DLG2: variants seen among roughly 807,000 people sequenced by gnomAD.
The protein encoded by DLG2 is disks large homolog 2.
Under a neutral mutation model 132.5 loss-of-function variants are expected in DLG2, and 45 were observed. The observed-to-expected ratio is 0.34, with a 90% CI of 0.27 to 0.44. The LOEUF is 0.44. Among genes scored for constraint, DLG2 ranks in the 20% least tolerant of loss-of-function variants. The pLI is 1.00. For missense variants in DLG2, 1,045 were observed against 1,196.9 expected (o/e 0.87, Z 1.87); for synonymous variants, 424 against 419.6 (o/e 1.01, Z -0.13).
chr11:84,083,048 G>A (rs1320985222), intron 10 of DLG2, among the ~76,000 whole-genome samples: 3 of 152,210 alleles, frequency 2.0e-5, no homozygotes, highest in African/African-American at 4.8e-5. Flanking sequence ...TGGAGGCCAA[G>A]GCGGGTAGAT....
intron 3 of DLG2, among the ~76,000 whole-genome samples, chr11:85,529,970 C>A (rs955760517): frequency 6.7e-6 from 1 of 150,074 alleles, no homozygotes; most frequent in Non-Finnish European, 1.5e-5. Flanking sequence ...AGGGGTAGAT[C>A]TGCCTAGAGA....
intron 19 of DLG2, among the ~76,000 whole-genome samples, chr11:83,602,370 C>A (rs898772517): frequency 1.3e-5 from 2 of 152,190 alleles, no homozygotes; most frequent in Non-Finnish European, 2.9e-5. Context: ...ATTACAGCAC[C>A]ATGCCGGCAG....
intron 10 of DLG2, among the ~76,000 whole-genome samples, chr11:84,090,090 C>T: frequency 6.6e-6 from 1 of 152,018 alleles, no homozygotes; most frequent in Non-Finnish European, 1.5e-5. Flanking sequence ...TGAAAGAAAA[C>T]CTAATGTTCT....
chr11:84,459,950 A>G (rs773058936), intron 7 of DLG2, among the ~76,000 whole-genome samples: 9 of 150,760 alleles, frequency 6.0e-5, no homozygotes, highest in Admixed American at 2.0e-4. Flanking sequence ...TCCAACTTCA[A>G]TGGAGATTCT....
At chr11:84,382,227 C>T (rs2154434403) in intron 7 of DLG2, among the ~76,000 whole-genome samples, 1 of 152,158 alleles carries the variant, frequency 6.6e-6, no homozygotes, top group East Asian at 1.9e-4. Flanking sequence ...CCAGTTCTTT[C>T]TCCTCAAACC....
At chr11:84,236,913 G>T (rs1285919831) in intron 8 of DLG2, among the ~76,000 whole-genome samples, 1 of 150,836 alleles carries the variant, frequency 6.6e-6, no homozygotes, top group Non-Finnish European at 1.5e-5. Flanking sequence ...TGGGGTTGAA[G>T]CATCAGTATG....
chr11:84,600,239 A>AAAG (rs1565420736), intron 6 of DLG2, among the ~76,000 whole-genome samples: 11 of 87,254 alleles, frequency 1.3e-4, no homozygotes, highest in African/African-American at 4.0e-4. Context: ...AGAAAGACAG[A>AAAG]AAAGCAAGCA....
intron 6 of DLG2, among the ~76,000 whole-genome samples, chr11:84,574,362 GA>G (rs35040163): frequency 0.15 from 20,827 of 134,634 alleles, 1,563 homozygotes; most frequent in African/African-American, 0.23. Flanking sequence ...CTCTTAAACA[GA>G]AAAAAAAAAA....
At chr11:83,684,958 A>C (rs973969643) in intron 18 of DLG2, among the ~76,000 whole-genome samples, 10 of 152,172 alleles carry the variant, frequency 6.6e-5, no homozygotes, top group African/African-American at 2.4e-4. Flanking sequence ...TCTCAGACAT[A>C]ATGAATTATG....
chr11:84,399,337 A>T (rs998316807), intron 7 of DLG2, among the ~76,000 whole-genome samples: 1 of 152,098 alleles, frequency 6.6e-6, no homozygotes, highest in South Asian at 2.1e-4. Flanking sequence ...CAGTGTCTCA[A>T]ATTGCATTAT....
intron 6 of DLG2, among the ~76,000 whole-genome samples, chr11:84,958,131 T>C (rs2051978889): frequency 6.6e-6 from 1 of 152,186 alleles, no homozygotes; most frequent in Non-Finnish European, 1.5e-5. Context: ...AATATGTTAG[T>C]AGTTATTAAT....
At chr11:84,168,261 A>C (rs549828865) in intron 8 of DLG2, among the ~76,000 whole-genome samples, 1 of 152,374 alleles carries the variant, frequency 6.6e-6, no homozygotes, top group South Asian at 2.1e-4. Flanking sequence ...CTGCAGCGCC[A>C]CTATTGCCAC....
At chr11:85,526,227 A>G (rs1288168361) in intron 3 of DLG2, among the ~76,000 whole-genome samples, 1 of 152,192 alleles carries the variant, frequency 6.6e-6, no homozygotes, top group Non-Finnish European at 1.5e-5. Flanking sequence ...ATCATGAAGA[A>G]AACTATACAG....
At chr11:83,879,018 A>G (rs2065464936) in intron 15 of DLG2, among the ~76,000 whole-genome samples, 1 of 152,202 alleles carries the variant, frequency 6.6e-6, no homozygotes, top group African/African-American at 2.4e-5. Flanking sequence ...TTTTCCAAGT[A>G]AAAGACTCCA....
At chr11:84,161,454 A>C (rs1174437008) in intron 9 of DLG2, among the ~76,000 whole-genome samples, 3 of 152,136 alleles carry the variant, frequency 2.0e-5, no homozygotes, top group African/African-American at 7.2e-5. Flanking sequence ...GAGAGGGGGC[A>C]GTTAATGGCA....
In DLG2 at chr11:84,534,635, T is replaced by C; in HGVS notation, c.454A>G (p.Lys152Glu). Residue 152 changes from lysine to glutamate, a missense_variant, in exon 7 of 28, where the codon AAG (lysine) becomes GAG (glutamate). Lys to Glu is a moderately conservative substitution (Grantham distance 56). This residue lies in a region of DLG2 where 277 missense variants were observed against 238.2 expected (regional missense o/e 1.16). Coordinates refer to ENST00000376104, the MANE Select transcript of DLG2 (RefSeq NM_001142699.3). Reference protein sequence around the residue: ...RGPELVHVSEKNLSQIENVHG... With the variant: ...RGPELVHVSEENLSQIENVHG... Reference sequence around the variant, plus strand: ...ACATTTTCTATTTGAGAGAGGTTCTTTTCTGATACATGCACGAGTTCTGGG... The same window carrying C: ...ACATTTTCTATTTGAGAGAGGTTCTCTTCTGATACATGCACGAGTTCTGGG... 1.2e-6 allele frequency: 2 copies of C among 1,614,134 alleles called. No individual in the cohort carries two copies. Among genetic ancestry groups the C allele is most frequent in the Non-Finnish European group, 1.7e-6 (2 of 1,179,974 alleles).
intron 10 of DLG2, among the ~76,000 whole-genome samples, chr11:84,093,622 T>C (rs1042935882): frequency 2.0e-5 from 3 of 152,044 alleles, no homozygotes; most frequent in African/African-American, 7.2e-5. Flanking sequence ...ATTTTTATTT[T>C]TATTTATTTT....
At chr11:83,967,939 T>C (rs1162552798) in intron 12 of DLG2, among the ~76,000 whole-genome samples, 1 of 152,148 alleles carries the variant, frequency 6.6e-6, no homozygotes. Flanking sequence ...ATGTGGAGAT[T>C]CCATTTTCCC....
At chr11:85,276,954 C>T (rs2077927895) in intron 4 of DLG2, among the ~76,000 whole-genome samples, 1 of 152,024 alleles carries the variant, frequency 6.6e-6, no homozygotes, top group Non-Finnish European at 1.5e-5. Flanking sequence ...GTACAGGAAA[C>T]AGAAGAATTT....
Sources: allele counts gnomAD v4.1 joint callset (sites outside exome capture counted in the v4.1 genomes callset), GRCh38; gene constraint gnomAD v4.1.1; regional missense constraint gnomAD v4.1.1; transcripts MANE v1.5; gene names NCBI Gene and HGNC (gene_info 2026-07-23, HGNC 2026-07-21).